FBXO36: variants seen among roughly 807,000 people sequenced by gnomAD.
FBXO36 encodes F-box protein 36.
In FBXO36, 18 loss-of-function variants were observed where a neutral mutation model predicts 17.0. That is an observed-to-expected ratio of 1.06 (90% CI 0.73 to 1.57). The LOEUF (loss-of-function observed/expected upper bound fraction) is 1.57, where lower values mean the gene tolerates loss of function less well. Ranked by LOEUF, FBXO36 falls within the 40% of genes most tolerant of loss-of-function variation. The pLI, the probability that FBXO36 is intolerant of heterozygous loss-of-function variation, is 0.00. For synonymous variants in FBXO36, 83 were observed against 85.3 expected, an observed-to-expected ratio of 0.97 and a Z score of 0.15; for missense variants, 229 against 221.9, an observed-to-expected ratio of 1.03 and a Z score of -0.20.
chr2:229,998,520 G>A lies in FBXO36; in HGVS notation c.378+1597G>A, dbSNP rs907251244. On this transcript the variant is annotated intron_variant, in intron 3 of 3. Transcript: ENST00000283946. Reference sequence around the variant, plus strand: ...GCCTGTAATCCCAGCTACTAGGGGGGCTGAGGCAGGAGAATCGCTTGAACC... The same window carrying A: ...GCCTGTAATCCCAGCTACTAGGGGGACTGAGGCAGGAGAATCGCTTGAACC... Among the ~76,000 whole-genome samples, 12 of 152,218 alleles carry A rather than the reference G, an allele frequency of 7.9e-5. 1 individual carries two copies. In the South Asian group the frequency reaches 1.5e-3, roughly 18 times the overall value.
chr2:229,970,835 G>A (rs6746407), intron 1 of FBXO36, among the ~76,000 whole-genome samples: 75,179 of 151,964 alleles, frequency 0.49, 19,092 homozygotes, highest in Middle Eastern at 0.6. Context: ...TATAAAATGA[G>A]TTAATTAGTA....
chr2:229,951,704 T>C (rs189729028), intron 1 of FBXO36, among the ~76,000 whole-genome samples: 146 of 152,278 alleles, frequency 9.6e-4, no homozygotes, highest in Admixed American at 6.5e-3. Flanking sequence ...GAAGAAGTGA[T>C]TCCATTTTAG....
intron 1 of FBXO36, among the ~76,000 whole-genome samples, chr2:229,949,879 C>T (rs1338945259): frequency 1.3e-5 from 2 of 152,124 alleles, no homozygotes; most frequent in African/African-American, 2.4e-5. Flanking sequence ...GAGCCGAGAT[C>T]GTGCCAGGGC....
intron 1 of FBXO36, chr2:229,938,009 C>T (rs2106159069): frequency 6.6e-6 from 1 of 152,500 alleles, no homozygotes; most frequent in South Asian, 2.1e-4. Context: ...CGCTGTCGCC[C>T]CAGGGTGGAG....
intron 1 of FBXO36, among the ~76,000 whole-genome samples, chr2:229,923,775 A>G (rs2076869712): frequency 6.7e-6 from 1 of 148,548 alleles, no homozygotes; most frequent in South Asian, 2.1e-4. Context: ...AACTGTTCTT[A>G]GGGGGTTTTG....
At chr2:229,939,740 A>C (rs1295957999) in intron 1 of FBXO36, among the ~76,000 whole-genome samples, 1 of 152,192 alleles carries the variant, frequency 6.6e-6, no homozygotes, top group Non-Finnish European at 1.5e-5. Flanking sequence ...CCCTCTTCTG[A>C]AGATGGCGGC....
At chr2:230,005,292 G>T (rs558306553) in intron 3 of FBXO36, among the ~76,000 whole-genome samples, 66 of 113,708 alleles carry the variant, frequency 5.8e-4, no homozygotes, top group Middle Eastern at 5.2e-3. Context: ...TGTAGAGACT[G>T]GGTCTTGCTA....
At position 229,958,334 on chromosome 2, in the gene FBXO36, A is replaced by G. The variant is rs940608958; in HGVS notation, c.97-17907A>G. On this transcript the variant is annotated intron_variant, in intron 1 of 3. Transcript: ENST00000283946. ...CATCCAGGCTGGAGTGCAGTGGCAC[A>G]ATCTCAGCTCACTGCAACCTCCACC... is the stretch of plus-strand genomic sequence containing the variant. Among the ~76,000 whole-genome samples the G allele has an allele frequency of 5.6e-5, 8 of 142,672 alleles. No homozygotes were observed. In the East Asian group the frequency reaches 1.6e-3, roughly 29 times the overall value. 93.6% of individuals were successfully genotyped at this position (142,672 alleles called of 152,430 possible).
chr2:229,988,331 CT>C (rs1350622785), intron 2 of FBXO36, among the ~76,000 whole-genome samples: 1 of 152,072 alleles, frequency 6.6e-6, no homozygotes, highest in Non-Finnish European at 1.5e-5. Context: ...GATGTAAACA[CT>C]TTTGCTTTTA....
intron 2 of FBXO36, among the ~76,000 whole-genome samples, chr2:229,995,227 T>A (rs996002964): frequency 6.6e-6 from 1 of 152,112 alleles, no homozygotes; most frequent in African/African-American, 2.4e-5. Context: ...AAAATAAAAG[T>A]CACCACATTT....
intron 1 of FBXO36, among the ~76,000 whole-genome samples, chr2:229,937,214 G>T (rs1007702701): frequency 6.6e-6 from 1 of 152,058 alleles, no homozygotes; most frequent in Non-Finnish European, 1.5e-5. Flanking sequence ...CAATAATTGG[G>T]CTGGGCGCGG....
chr2:229,950,406 A>T (rs1225164320), intron 1 of FBXO36, among the ~76,000 whole-genome samples: 1 of 152,174 alleles, frequency 6.6e-6, no homozygotes, highest in African/African-American at 2.4e-5. Context: ...AGACTGGGCA[A>T]CAGAGCAAGA....
chr2:229,927,390 C>G (rs1398500874), intron 1 of FBXO36, among the ~76,000 whole-genome samples: 1 of 152,086 alleles, frequency 6.6e-6, no homozygotes, highest in African/African-American at 2.4e-5. Context: ...CAAAAAATCA[C>G]TTTATTCTAA....
At chr2:229,958,028 C>T (rs1225369956) in intron 1 of FBXO36, among the ~76,000 whole-genome samples, 1 of 152,116 alleles carries the variant, frequency 6.6e-6, no homozygotes, top group African/African-American at 2.4e-5. Context: ...ACAGTGGAAC[C>T]ACAGACACTT....
intron 1 of FBXO36, among the ~76,000 whole-genome samples, chr2:229,940,632 C>T (rs1311272872): frequency 6.6e-6 from 1 of 152,134 alleles, no homozygotes; most frequent in Admixed American, 6.5e-5. Flanking sequence ...GGCCCCTTAT[C>T]CAATACTACT....
rs1001276851 is a variant in FBXO36, at chr2:230,007,719, C to A, written c.379-2977C>A. On this transcript the variant is annotated intron_variant, in intron 3 of 3. Coordinates refer to ENST00000283946, the MANE Select transcript of FBXO36 (RefSeq NM_174899.5). ...GGTTCAAGCGATTCTCCCTCAGCCT[C>A]CCAAGTAGCTGGGACTACAGGCGCA... Among the ~76,000 whole-genome samples the A allele has an allele frequency of 2.0e-5, 3 of 152,108 alleles. No individual in the cohort carries two copies. The East Asian group carries it at 5.8e-4, about 29-fold the overall frequency.
At chr2:229,942,733 A>G (rs917049007) in intron 1 of FBXO36, 1 of 152,182 alleles carries the variant, frequency 6.6e-6, no homozygotes, top group African/African-American at 2.4e-5. Flanking sequence ...TGCTGCCCAT[A>G]CCAAAGGCTC....
chr2:229,975,767 T>C (rs1378219320), intron 1 of FBXO36, among the ~76,000 whole-genome samples: 2 of 141,338 alleles, frequency 1.4e-5, no homozygotes, highest in Non-Finnish European at 3.0e-5. Flanking sequence ...TGAGCCACTA[T>C]GCCCAGCCTT....
chr2:229,963,247 G>A (rs909892479), intron 1 of FBXO36, among the ~76,000 whole-genome samples: 15 of 151,526 alleles, frequency 9.9e-5, no homozygotes, highest in African/African-American at 3.6e-4. Context: ...CGTATTTTTA[G>A]TAGAGATGGG....
Sources: allele counts gnomAD v4.1 joint callset (sites outside exome capture counted in the v4.1 genomes callset), GRCh38; gene constraint gnomAD v4.1.1; transcripts MANE v1.5; gene names NCBI Gene and HGNC (gene_info 2026-07-23, HGNC 2026-07-21).